Variants in ELAVL2 observed in about 807,000 individuals in gnomAD.
ELAVL2 encodes ELAV like RNA binding protein 2.
ELAVL2 carries 4 observed loss-of-function variants against 34.6 expected under a neutral mutation model. The observed-to-expected ratio is 0.12, with a 90% CI of 0.06 to 0.26. ELAVL2 has a LOEUF of 0.26. ELAVL2 is among the 10% of genes least tolerant of loss of function. The pLI, the probability that ELAVL2 is intolerant of heterozygous loss-of-function variation, is 1.00. For missense variants in ELAVL2, 432 were observed against 442.8 expected (o/e 0.98, Z 0.22); for synonymous variants, 193 against 154.8 (o/e 1.25, Z -1.83).
At chr9:23,761,335 C>T (rs564439314) in intron 2 of ELAVL2, among the ~76,000 whole-genome samples, 3 of 152,100 alleles carry the variant, frequency 2.0e-5, no homozygotes, top group African/African-American at 7.2e-5. Context: ...ATCCCAAGAA[C>T]GTGCTCTTTA....
At chr9:23,715,782 C>T (rs999571695) in intron 3 of ELAVL2, among the ~76,000 whole-genome samples, 2 of 151,950 alleles carry the variant, frequency 1.3e-5, no homozygotes, top group African/African-American at 4.8e-5. Context: ...GATTAAAATG[C>T]TGAGTTAGAA....
At chr9:23,714,494 C>T (rs934955829) in intron 3 of ELAVL2, among the ~76,000 whole-genome samples, 48 of 152,178 alleles carry the variant, frequency 3.2e-4, no homozygotes, top group African/African-American at 1.2e-3. Context: ...GTCTTACTGA[C>T]ATACAGAGAG....
At chr9:23,841,298 G>C in the ELAVL2 span, among the ~76,000 whole-genome samples, 1 of 152,050 alleles carries the variant, frequency 6.6e-6, no homozygotes, top group African/African-American at 2.4e-5. Context: ...GGGTGCAGCT[G>C]GTACATTCTC....
intron 1 of ELAVL2, among the ~76,000 whole-genome samples, chr9:23,767,882 G>C (rs1454883210): frequency 1.3e-5 from 2 of 152,150 alleles, no homozygotes. Flanking sequence ...GAAACCACCT[G>C]ATTTAGGGAC....
intron 1 of ELAVL2, among the ~76,000 whole-genome samples, chr9:23,768,628 T>C (rs2056755649): frequency 6.6e-6 from 1 of 152,060 alleles, no homozygotes; most frequent in African/African-American, 2.4e-5. Flanking sequence ...AAATCTAAAT[T>C]CCTATTATAT....
chr9:23,776,686 C>G (rs181693028), intron 1 of ELAVL2, among the ~76,000 whole-genome samples: 1 of 149,610 alleles, frequency 6.7e-6, no homozygotes, highest in South Asian at 2.1e-4. Flanking sequence ...TTTAAGAACC[C>G]GCAGCCAGAA....
At chr9:23,714,344 T>C (rs950038628) in intron 3 of ELAVL2, among the ~76,000 whole-genome samples, 1 of 152,168 alleles carries the variant, frequency 6.6e-6, no homozygotes, top group East Asian at 1.9e-4. Flanking sequence ...AAATCACATA[T>C]ATAAATGAGG....
At position 23,816,021 on chromosome 9, in the gene ELAVL2, T is replaced by C. The variant is rs940768699; in HGVS notation, c.-16+9785A>G. The stretch of plus-strand genomic sequence containing the variant: ...CACTAGTATAAGAAGACAACTCTAA[T>C]TGCCAAAGTCCTATTTCCCAAATGG... On this transcript the variant is annotated intron_variant, in intron 1 of 6. Coordinates refer to ENST00000397312, the MANE Select transcript of ELAVL2 (RefSeq NM_004432.5). 2.6e-5 allele frequency among the ~76,000 whole-genome samples: 4 copies of C among 152,104 alleles called. No individual in the cohort carries two copies. The South Asian group carries it at 6.2e-4, about 24-fold the overall frequency.
intron 2 of ELAVL2, among the ~76,000 whole-genome samples, chr9:23,733,279 T>C (rs1448961312): frequency 6.6e-6 from 1 of 151,940 alleles, no homozygotes; most frequent in East Asian, 1.9e-4. Flanking sequence ...TCTGTATATA[T>C]ATGTGTATAT....
the ELAVL2 span, among the ~76,000 whole-genome samples, chr9:23,839,418 T>C: frequency 2.0e-5 from 3 of 152,166 alleles, no homozygotes; most frequent in African/African-American, 7.2e-5. Flanking sequence ...TTTCGTCCAA[T>C]TTATTGGGCA....
intron 1 of ELAVL2, among the ~76,000 whole-genome samples, chr9:23,778,435 A>T (rs2058567252): frequency 6.6e-6 from 1 of 152,224 alleles, no homozygotes; most frequent in African/African-American, 2.4e-5. Context: ...ACAATTTCAC[A>T]TTCATAAAAC....
intron 2 of ELAVL2, among the ~76,000 whole-genome samples, chr9:23,734,691 A>G (rs959696099): frequency 1.3e-5 from 2 of 152,222 alleles, no homozygotes; most frequent in African/African-American, 4.8e-5. Context: ...CAGTTTTACT[A>G]TATATGAATT....
intron 2 of ELAVL2, among the ~76,000 whole-genome samples, chr9:23,752,799 T>C (rs1412290466): frequency 6.6e-6 from 1 of 152,172 alleles, no homozygotes; most frequent in Admixed American, 6.5e-5. Context: ...GTCTTGCTTT[T>C]TTCCCCCTTA....
intron 3 of ELAVL2, among the ~76,000 whole-genome samples, chr9:23,709,422 G>C (rs894651618): frequency 4.0e-5 from 6 of 151,696 alleles, no homozygotes; most frequent in African/African-American, 1.5e-4. Context: ...TTTTGTATCT[G>C]ACCATTACCA....
chr9:23,795,590 T>A (rs939213463), intron 1 of ELAVL2, among the ~76,000 whole-genome samples: 3 of 152,050 alleles, frequency 2.0e-5, no homozygotes, highest in South Asian at 2.1e-4. Context: ...ACATTGTAAG[T>A]ACTGGAAAAT....
chr9:23,766,047 TAGAC>T (rs777860046), intron 1 of ELAVL2, among the ~76,000 whole-genome samples: 4 of 152,138 alleles, frequency 2.6e-5, no homozygotes, highest in Non-Finnish European at 4.4e-5. Context: ...TTTCTAAAAA[TAGAC>T]AGTGAATAAC....
rs540983937 is a variant in ELAVL2, at chr9:23,786,167, C to T, written c.-15-23918G>A. On this transcript the variant is annotated intron_variant, in intron 1 of 6. Transcript: ENST00000397312. The stretch of plus-strand genomic sequence containing the variant: ...CCTTCCAGAAGAATTGCTGTGAAAG[C>T]CCACATCGTGTGCACTATTTTTTAA... 5.3e-5 allele frequency among the ~76,000 whole-genome samples: 8 copies of T among 152,228 alleles called. No individual in the cohort carries two copies. The South Asian group carries it at 1.5e-3, about 28-fold the overall frequency.
upstream of ELAVL2, among the ~76,000 whole-genome samples, chr9:23,829,248 C>T (rs187002190): frequency 1.1e-4 from 17 of 152,014 alleles, no homozygotes; most frequent in Admixed American, 2.6e-4. Context: ...TTCTCAAAAC[C>T]GAAAAAGTCA....
At chr9:23,799,350 G>A (rs571071286) in intron 1 of ELAVL2, among the ~76,000 whole-genome samples, 2 of 152,166 alleles carry the variant, frequency 1.3e-5, no homozygotes, top group African/African-American at 4.8e-5. Context: ...TTCCCATCCC[G>A]CATTTTAAGA....
Sources: gnomAD v4.1 joint callset for allele counts (sites outside exome capture counted in the v4.1 genomes callset) on GRCh38, gnomAD v4.1.1 for gene constraint, MANE v1.5 for transcripts, NCBI Gene and HGNC (gene_info 2026-07-23, HGNC 2026-07-21) for gene names.